Variants in RBFOX1 observed in about 807,000 individuals in gnomAD.
RBFOX1 encodes RNA binding protein fox-1 homolog 1.
In RBFOX1, 8 loss-of-function variants were observed where a neutral mutation model predicts 57.7. The observed-to-expected ratio is 0.14, with a 90% CI of 0.08 to 0.25. The LOEUF (loss-of-function observed/expected upper bound fraction) is 0.25, where lower values mean the gene tolerates loss of function less well. Among genes scored for constraint, RBFOX1 ranks in the 10% least tolerant of loss-of-function variants. The probability of loss-of-function intolerance (pLI) is 1.00; values close to 1 mark genes in which losing one functional copy is unlikely to be tolerated. For missense variants in RBFOX1, 611 were observed against 548.5 expected, an observed-to-expected ratio of 1.11 and a Z score of -1.14; for synonymous variants, 326 against 222.4, an observed-to-expected ratio of 1.47 and a Z score of -4.15.
At chr16:5,678,557 G>T (rs1005092004) in intron 3 of RBFOX1, among the ~76,000 whole-genome samples, 25 of 152,192 alleles carry the variant, frequency 1.6e-4, no homozygotes, top group Non-Finnish European at 8.8e-5. Flanking sequence ...AGTGAGCCTT[G>T]TCCATGGTGC....
intron 1 of RBFOX1, among the ~76,000 whole-genome samples, chr16:5,435,744 A>G (rs765278521): frequency 6.6e-6 from 1 of 152,216 alleles, no homozygotes; most frequent in Non-Finnish European, 1.5e-5. Flanking sequence ...GGTCAGAGCA[A>G]TTGCATAATT....
In RBFOX1 at chr16:5,920,950, A is replaced by G. The variant is rs1423296152; in HGVS notation, c.351+53615A>G. ...ATGTGAACATGTGCCGTGCAAGGCT[A>G]CCTGAAGAATCTGTTCTCCTCTTCC... is the stretch of plus-strand genomic sequence containing the variant. On this transcript the variant is annotated intron_variant, in intron 4 of 19. Coordinates refer to the RBFOX1 transcript ENST00000641259. 1.6e-4 allele frequency among the ~76,000 whole-genome samples: 15 copies of G among 95,326 alleles called. No individual in the cohort carries two copies. The East Asian group carries it at 5.9e-3, about 38-fold the overall frequency. 62.5% of individuals were successfully genotyped at this position (95,326 alleles called of 152,430 possible).
chr16:6,420,526 G>C (rs1464482158), intron 2 of RBFOX1, among the ~76,000 whole-genome samples: 1 of 152,182 alleles, frequency 6.6e-6, no homozygotes, highest in Admixed American at 6.5e-5. Flanking sequence ...CTACTTTAAA[G>C]GGTGGAGAAA....
intron 3 of RBFOX1, among the ~76,000 whole-genome samples, chr16:6,928,651 T>A (rs1169514757): frequency 6.6e-6 from 1 of 152,124 alleles, no homozygotes; most frequent in African/African-American, 2.4e-5. Context: ...TCATGTGGGA[T>A]TCTTCAAAAG....
chr16:6,525,854 G>A (rs1313166434), intron 2 of RBFOX1, among the ~76,000 whole-genome samples: 1 of 152,000 alleles, frequency 6.6e-6, no homozygotes, highest in Non-Finnish European at 1.5e-5. Context: ...AACTAAGTTT[G>A]AACACATGAA....
intron 3 of RBFOX1, chr16:6,873,785 T>A (rs995433064): frequency 2.6e-5 from 4 of 152,176 alleles, no homozygotes; most frequent in African/African-American, 9.7e-5. Flanking sequence ...TTGCAGCAAC[T>A]CTGTGATCTT....
intron 1 of RBFOX1, among the ~76,000 whole-genome samples, chr16:5,280,942 C>T (rs1414639146): frequency 6.5e-5 from 3 of 46,238 alleles, no homozygotes; most frequent in African/African-American, 1.7e-4. Context: ...GCATTTGGTT[C>T]TGCTATGTTA....
intron 3 of RBFOX1, among the ~76,000 whole-genome samples, chr16:6,702,048 A>G (rs1280153726): frequency 6.6e-6 from 1 of 152,100 alleles, no homozygotes; most frequent in Non-Finnish European, 1.5e-5. Context: ...CTTGCAACAT[A>G]CAATTTACCT....
chr16:7,365,496 C>T (rs955179268), intron 4 of RBFOX1, among the ~76,000 whole-genome samples: 2 of 152,268 alleles, frequency 1.3e-5, no homozygotes, highest in African/African-American at 4.8e-5. Context: ...TTTTCCCCCC[C>T]ACAGGGAACA....
intron 2 of RBFOX1, among the ~76,000 whole-genome samples, chr16:6,651,112 G>A (rs1245856608): frequency 1.3e-5 from 2 of 152,148 alleles, no homozygotes; most frequent in African/African-American, 2.4e-5. Flanking sequence ...ATATTAGCCA[G>A]GCTGATCTCA....
At chr16:6,602,979 C>G (rs544365630) in intron 2 of RBFOX1, among the ~76,000 whole-genome samples, 2 of 152,254 alleles carry the variant, frequency 1.3e-5, no homozygotes, top group South Asian at 2.1e-4. Flanking sequence ...TACCCTTTTT[C>G]TAATCATCAG....
At chr16:6,045,227 G>A (rs1395763927) in intron 1 of RBFOX1, among the ~76,000 whole-genome samples, 1 of 152,234 alleles carries the variant, frequency 6.6e-6, no homozygotes, top group Non-Finnish European at 1.5e-5. Flanking sequence ...CCCGAGCGAT[G>A]CTACTGCTGC....
chr16:6,396,136 T>G (rs1261307289), intron 2 of RBFOX1, among the ~76,000 whole-genome samples: 2 of 151,778 alleles, frequency 1.3e-5, no homozygotes, highest in Non-Finnish European at 1.5e-5. Context: ...TAGCTTGTTT[T>G]GGAGTAATCC....
chr16:6,890,842 C>T (rs1167561298), intron 3 of RBFOX1, among the ~76,000 whole-genome samples: 1 of 152,132 alleles, frequency 6.6e-6, no homozygotes, highest in Non-Finnish European at 1.5e-5. Context: ...GTGAAAATAG[C>T]ACTTAGCAGA....
chr16:6,507,230 T>C (rs1040621481), intron 2 of RBFOX1, among the ~76,000 whole-genome samples: 26 of 152,136 alleles, frequency 1.7e-4, no homozygotes, highest in South Asian at 6.2e-4. Flanking sequence ...ATACACATGA[T>C]AGACAAAATT....
At chr16:7,023,660 C>T (rs573557086) in intron 3 of RBFOX1, among the ~76,000 whole-genome samples, 4 of 149,276 alleles carry the variant, frequency 2.7e-5, no homozygotes, top group Admixed American at 1.3e-4. Context: ...TACCTTGGAA[C>T]TCCTCTGCCT....
intron 4 of RBFOX1, among the ~76,000 whole-genome samples, chr16:7,331,835 T>A (rs897199388): frequency 3.3e-5 from 5 of 152,156 alleles, no homozygotes; most frequent in Non-Finnish European, 1.5e-5. Flanking sequence ...TTAATTCCAA[T>A]TCATGTCATC....
At chr16:7,515,426 C>T (rs1014001097) in intron 4 of RBFOX1, among the ~76,000 whole-genome samples, 1 of 151,842 alleles carries the variant, frequency 6.6e-6, no homozygotes, top group African/African-American at 2.4e-5. Context: ...GTATTATATA[C>T]TGGAAGTGTG....
At chr16:5,537,757 C>G (rs1361030306) in intron 2 of RBFOX1, among the ~76,000 whole-genome samples, 1 of 152,188 alleles carries the variant, frequency 6.6e-6, no homozygotes, top group Non-Finnish European at 1.5e-5. Context: ...GAAAGGTGCT[C>G]TCTGCTTCTA....
Sources: allele counts gnomAD v4.1 joint callset (sites outside exome capture counted in the v4.1 genomes callset), GRCh38; gene constraint gnomAD v4.1.1; transcripts MANE v1.5; gene names NCBI Gene and HGNC (gene_info 2026-07-23, HGNC 2026-07-21).